The following ATRNL1 variants were observed in gnomAD, a reference collection of about 807,000 sequenced individuals.
ATRNL1 encodes the protein attractin-like protein 1.
A neutral mutation model predicts 182.7 loss-of-function variants in ATRNL1; 95 were observed. That is an observed-to-expected ratio of 0.52 (90% CI 0.44 to 0.62). The LOEUF is 0.62. Ranked by LOEUF, ATRNL1 falls within the 20% of genes least tolerant of loss-of-function variation. The pLI is 0.00. For missense variants in ATRNL1, 1,471 were observed against 1,679.5 expected (o/e 0.88, Z 2.17); for synonymous variants, 576 against 568.3 (o/e 1.01, Z -0.19).
chr10:115,457,860 C>G (rs146856580), intron 21 of ATRNL1, among the ~76,000 whole-genome samples: 2 of 152,006 alleles, frequency 1.3e-5, no homozygotes, highest in African/African-American at 4.8e-5. Context: ...GCAATTTTTC[C>G]TTTTCTAATA....
At chr10:115,270,445 A>G in intron 13 of ATRNL1, among the ~76,000 whole-genome samples, 1 of 146,414 alleles carries the variant, frequency 6.8e-6, no homozygotes. Flanking sequence ...AATCTATAAT[A>G]TATGTGTATA....
intron 27 of ATRNL1, among the ~76,000 whole-genome samples, chr10:115,841,658 A>G (rs1222682712): frequency 1.3e-5 from 2 of 152,088 alleles, no homozygotes; most frequent in Non-Finnish European, 2.9e-5. Context: ...AATTTCTTTT[A>G]TTAATATGAA....
intron 28 of ATRNL1, among the ~76,000 whole-genome samples, chr10:115,861,656 T>C (rs1025691124): frequency 2.6e-5 from 4 of 152,222 alleles, no homozygotes. Flanking sequence ...TCTCAAGTCT[T>C]AGTAGTCATT....
intron 20 of ATRNL1, among the ~76,000 whole-genome samples, chr10:115,420,407 T>G (rs1845597600): frequency 6.6e-6 from 1 of 152,054 alleles, no homozygotes; most frequent in Non-Finnish European, 1.5e-5. Context: ...GGAATAAAAC[T>G]AAAACCAATA....
intron 24 of ATRNL1, among the ~76,000 whole-genome samples, chr10:115,512,424 A>T (rs1026912478): frequency 4.0e-5 from 6 of 151,874 alleles, no homozygotes; most frequent in Non-Finnish European, 8.8e-5. Flanking sequence ...GCTTTTAATA[A>T]GGATATTTGA....
At chr10:115,887,420 C>T (rs555575321) in intron 28 of ATRNL1, among the ~76,000 whole-genome samples, 103 of 152,290 alleles carry the variant, frequency 6.8e-4, no homozygotes, top group African/African-American at 2.3e-3. Flanking sequence ...GGGGCAGCTT[C>T]CTTCCTAGGT....
At chr10:115,514,111 G>A (rs1850522168) in intron 24 of ATRNL1, among the ~76,000 whole-genome samples, 2 of 151,952 alleles carry the variant, frequency 1.3e-5, no homozygotes, top group South Asian at 4.1e-4. Flanking sequence ...GCAGGAGTTG[G>A]TTGAGGTCTT....
chr10:115,397,983 A>T (rs1191561191), intron 20 of ATRNL1, among the ~76,000 whole-genome samples: 1 of 151,938 alleles, frequency 6.6e-6, no homozygotes, highest in African/African-American at 2.4e-5. Context: ...CTGGAAACTG[A>T]TAAGAAGAGA....
chr10:115,736,224 A>T (rs963181051), intron 27 of ATRNL1, among the ~76,000 whole-genome samples: 3 of 151,992 alleles, frequency 2.0e-5, no homozygotes, highest in African/African-American at 7.3e-5. Flanking sequence ...CTCCTTCTCA[A>T]TGCTGTTTCT....
chr10:115,512,386 A>G (rs1173529992), intron 24 of ATRNL1, among the ~76,000 whole-genome samples: 1 of 151,884 alleles, frequency 6.6e-6, no homozygotes, highest in East Asian at 1.9e-4. Context: ...TTGAGACACA[A>G]TAACATCTGT....
chr10:115,426,756 C>CCA, intron 21 of ATRNL1, among the ~76,000 whole-genome samples: 1 of 152,146 alleles, frequency 6.6e-6, no homozygotes, highest in Non-Finnish European at 1.5e-5. Flanking sequence ...TGGAGTCTTG[C>CCA]TCTTGTCGCC....
intron 21 of ATRNL1, among the ~76,000 whole-genome samples, chr10:115,438,037 C>T (rs1007499494): frequency 2.0e-5 from 3 of 151,836 alleles, no homozygotes; most frequent in South Asian, 2.1e-4. Flanking sequence ...AAAACTGAAA[C>T]GCAATATTAA....
chr10:115,188,125 T>G (rs1848026500), intron 8 of ATRNL1, among the ~76,000 whole-genome samples: 1 of 151,452 alleles, frequency 6.6e-6, no homozygotes, highest in South Asian at 2.1e-4. Context: ...GAGAAAGAAT[T>G]AATGATAAAC....
chr10:115,648,314 C>T (rs1859761730), intron 26 of ATRNL1, among the ~76,000 whole-genome samples: 1 of 152,120 alleles, frequency 6.6e-6, no homozygotes, highest in Admixed American at 6.6e-5. Flanking sequence ...AGGACACAAA[C>T]AAATGAAGGA....
chr10:115,221,740 C>G (rs1849474433), intron 9 of ATRNL1, among the ~76,000 whole-genome samples: 1 of 152,242 alleles, frequency 6.6e-6, no homozygotes, highest in East Asian at 1.9e-4. Flanking sequence ...TTGGTACATA[C>G]TTAAGGATTT....
At chr10:115,403,235 T>G (rs890465735) in intron 20 of ATRNL1, among the ~76,000 whole-genome samples, 1 of 150,172 alleles carries the variant, frequency 6.7e-6, no homozygotes, top group African/African-American at 2.5e-5. Context: ...CTTGGATCTT[T>G]ATTTTTCCTA....
intron 26 of ATRNL1, among the ~76,000 whole-genome samples, chr10:115,589,285 G>C (rs1565192874): frequency 6.6e-6 from 1 of 152,028 alleles, no homozygotes; most frequent in East Asian, 1.9e-4. Flanking sequence ...TAAAGCTGGA[G>C]GAATATTTAA....
chr10:115,888,881 TG>T (rs1952014175), intron 28 of ATRNL1, among the ~76,000 whole-genome samples: 1 of 152,144 alleles, frequency 6.6e-6, no homozygotes, highest in Non-Finnish European at 1.5e-5. Flanking sequence ...GGCACAGAAA[TG>T]GCATGTCACT....
At chr10:115,201,309 C>G (rs1204884947) in intron 8 of ATRNL1, among the ~76,000 whole-genome samples, 3 of 151,952 alleles carry the variant, frequency 2.0e-5, no homozygotes, top group Non-Finnish European at 4.4e-5. Flanking sequence ...CTTGCCCATG[C>G]CTATGTCCTG....
Sources: allele counts gnomAD v4.1 joint callset (sites outside exome capture counted in the v4.1 genomes callset), GRCh38; gene constraint gnomAD v4.1.1; transcripts MANE v1.5; gene names NCBI Gene and HGNC (gene_info 2026-07-23, HGNC 2026-07-21).